Variants in RMC1 observed in about 807,000 individuals in gnomAD.
RMC1 encodes regulator of MON1-CCZ1.
Under a neutral mutation model 95.5 loss-of-function variants are expected in RMC1, and 44 were observed. The ratio of observed to expected loss-of-function variants is 0.46; its 90% confidence interval spans 0.36 to 0.59. The LOEUF (loss-of-function observed/expected upper bound fraction) is 0.59, where lower values mean the gene tolerates loss of function less well. Ranked by LOEUF, RMC1 falls within the 20% of genes least tolerant of loss-of-function variation. RMC1 has a pLI of 0.00. For missense variants in RMC1, 705 were observed against 819.6 expected (o/e 0.86, Z 1.71); for synonymous variants, 320 against 303.6 (o/e 1.05, Z -0.56).
chr18:23,521,275 C>T (rs919546775), intron 10 of RMC1, among the ~76,000 whole-genome samples: 66 of 152,188 alleles, frequency 4.3e-4, no homozygotes, highest in African/African-American at 1.6e-3. Flanking sequence ...AATTTATCTT[C>T]CCTGAGCTTT....
At chr18:23,513,506 G>A (rs1359196966) in intron 5 of RMC1, among the ~76,000 whole-genome samples, 1 of 152,198 alleles carries the variant, frequency 6.6e-6, no homozygotes, top group African/African-American at 2.4e-5. Flanking sequence ...TGTCAATACA[G>A]GTATGCAGAT....
Position 23,504,416 on chromosome 18 carries a change from G to A in RMC1, c.148G>A (p.Gly50Ser), listed in dbSNP as rs752353259. Residue 50 changes from glycine (G) to serine (S), a missense_variant, in exon 2 of 20, where the codon GGC (glycine) becomes AGC (serine). Coordinates refer to ENST00000269221, the MANE Select transcript of RMC1 (RefSeq NM_013326.5). ...SGGATGVVVK[G>S]PDDRNPISFR... Reference sequence around the variant, plus strand: ...TGGAGCTACTGGCGTGGTAGTTAAAGGCCCAGATGATAGGAATCCCATCTC... The same window carrying A: ...TGGAGCTACTGGCGTGGTAGTTAAAAGCCCAGATGATAGGAATCCCATCTC... 3.1e-6 allele frequency: 5 copies of A among 1,614,156 alleles called. No homozygotes were observed. Among genetic ancestry groups the A allele is most frequent in the South Asian group, 1.1e-5 (1 of 91,082 alleles).
At chr18:23,528,115 T>C (rs1174196968) in intron 14 of RMC1, 2 of 479,946 alleles carry the variant, frequency 4.2e-6, no homozygotes, top group African/African-American at 4.0e-5. Flanking sequence ...TGCATCTCAC[T>C]TCATACCTTC....
At chr18:23,512,532 C>G (rs758261856) in intron 5 of RMC1, among the ~76,000 whole-genome samples, 1 of 151,976 alleles carries the variant, frequency 6.6e-6, no homozygotes, top group Non-Finnish European at 1.5e-5. Context: ...GTAGTCCTCC[C>G]ACCTCAGCTT....
intron 9 of RMC1, among the ~76,000 whole-genome samples, chr18:23,519,647 C>CAGTT (rs1370485237): frequency 1.3e-5 from 2 of 152,160 alleles, no homozygotes; most frequent in Non-Finnish European, 2.9e-5. Context: ...GTGATTGTGT[C>CAGTT]AGTTGATTAA....
rs771487547 is a variant in RMC1 at position 23,526,605 on chromosome 18, T to A, written c.1061-32T>A. On this transcript the variant is annotated intron_variant, in intron 12 of 19. Coordinates refer to ENST00000269221, the MANE Select transcript of RMC1 (RefSeq NM_013326.5). ...TGGGCTTTTGTTACGGTTTGCATCA[T>A]ACTGTTTTATTTGCTGCCTCTTAAA... 13 of 1,610,788 alleles carry A rather than the reference T, an allele frequency of 8.1e-6. 1 individual carries two copies. The South Asian group carries it at 1.1e-4, about 14-fold the overall frequency.
At chr18:23,515,539 TATTA>T (rs1301520562) in intron 5 of RMC1, among the ~76,000 whole-genome samples, 5 of 152,334 alleles carry the variant, frequency 3.3e-5, no homozygotes, top group African/African-American at 4.8e-5. Context: ...TTGATTTATT[TATTA>T]ATTGAGACTG....
At position 23,519,096 on chromosome 18, in the gene RMC1, A is replaced by G. The variant is rs1281447734; in HGVS notation, c.771A>G (p.Ile257Met). The stretch of plus-strand genomic sequence containing the variant: ...AAGGTGCCTGTAAAAAGATGCACAT[A>G]TTGAAGTTAAATAGGACGGGAAAGT... ...PREGACKKMH[I>M]LKLNRTGKFA... Residue 257 changes from isoleucine (I) to methionine (M), a missense_variant, in exon 9 of 20, where the codon ATA (isoleucine) becomes ATG (methionine). Ile to Met is a conservative substitution (Grantham distance 10). Transcript: ENST00000269221. 1 of 1,614,198 alleles carries G rather than the reference A, an allele frequency of 6.2e-7. No individual in the cohort carries two copies.
intron 10 of RMC1, chr18:23,522,268 G>T (rs2058162085): frequency 6.6e-6 from 1 of 152,204 alleles, no homozygotes; most frequent in Non-Finnish European, 1.5e-5. Flanking sequence ...AATAATGTTA[G>T]TATTGAAAGA....
At chr18:23,524,611 A>AT (rs113496800) in intron 12 of RMC1, 129 bp downstream of exon 12, 9,173 of 695,478 alleles carry the variant, frequency 0.013, no homozygotes, top group Middle Eastern at 0.018. Flanking sequence ...TGGGAATGGG[A>AT]TTTTTTTTTT....
intron 2 of RMC1, chr18:23,504,673 A>G (rs2057669434): frequency 2.3e-6 from 1 of 431,458 alleles, no homozygotes; most frequent in Admixed American, 3.6e-5. Flanking sequence ...AAATACTTCA[A>G]AAGTGGGGCA....
intron 19 of RMC1, chr18:23,531,406 C>A: frequency 1.1e-6 from 1 of 875,092 alleles, no homozygotes; most frequent in Non-Finnish European, 1.6e-6. Flanking sequence ...CAATGTAAGA[C>A]GGCATTTAGT....
At chr18:23,507,163 G>T in intron 3 of RMC1, 109 bp downstream of exon 3, 1 of 737,200 alleles carries the variant, frequency 1.4e-6, no homozygotes, top group Non-Finnish European at 2.2e-6. Context: ...TCTTACTGTT[G>T]TGAAAGGTAT....
At chr18:23,531,501 A>C in intron 19 of RMC1, 124 bp from the exon 20 acceptor site, 3 of 1,481,130 alleles carry the variant, frequency 2.0e-6, no homozygotes, top group Non-Finnish European at 2.7e-6. Flanking sequence ...CCCAAAACTT[A>C]GGAAAACAAT....
chr18:23,529,155 T>C (rs1460204800), intron 14 of RMC1, 24 bp from the exon 15 acceptor site: 2 of 1,604,478 alleles, frequency 1.2e-6, no homozygotes, highest in Non-Finnish European at 1.7e-6. Flanking sequence ...CCGAAGATCA[T>C]AGTTTGTGGT....
At chr18:23,504,225 G>C (rs1173995182) in intron 1 of RMC1, 146 bp from the exon 2 acceptor site, 6 of 658,932 alleles carry the variant, frequency 9.1e-6, no homozygotes, top group Admixed American at 2.7e-5. Context: ...CACCTGAGCA[G>C]CCAAACATCT....
chr18:23,518,680 T>C (rs1025428778), intron 7 of RMC1, among the ~76,000 whole-genome samples: 2 of 152,232 alleles, frequency 1.3e-5, no homozygotes, highest in Admixed American at 6.5e-5. Context: ...TTTTAAAATA[T>C]TATGATCAAG....
At position 23,529,868 on chromosome 18, in the gene RMC1, TG is replaced by T; in HGVS notation, c.1494+157del. 7 of 1,034,658 alleles carry T rather than the reference TG, an allele frequency of 6.8e-6. No individual in the cohort carries two copies. In the South Asian group the frequency reaches 1.0e-4, roughly 15 times the overall value. The allele number at this position is 1,034,658 out of a possible 1,614,324, so 64.1% of individuals were successfully genotyped here. A position where few individuals can be genotyped will look rare whatever the true frequency, so the allele number is the denominator to read the frequency against. On this transcript the variant is annotated intron_variant, in intron 16 of 19. Transcript: ENST00000269221. The stretch of plus-strand genomic sequence containing the variant: ...TGACATTATTAGTTGGAATGGGAAG[TG>T]TAAGGTCAAGTTGGGGTCTTTACCT...
intron 6 of RMC1, 57 bp downstream of exon 6, chr18:23,516,053 T>C (rs1163080745): frequency 3.1e-6 from 5 of 1,610,334 alleles, no homozygotes; most frequent in African/African-American, 2.7e-5. Context: ...CCTGTTCCTG[T>C]AGCATCCTAA....
Sources: allele counts gnomAD v4.1 joint callset (sites outside exome capture counted in the v4.1 genomes callset), GRCh38; gene constraint gnomAD v4.1.1; transcripts MANE v1.5; gene names NCBI Gene and HGNC (gene_info 2026-07-23, HGNC 2026-07-21).